ADAM19: variants seen among roughly 807,000 people sequenced by gnomAD.
ADAM19 encodes ADAM metallopeptidase domain 19, also known as disintegrin and metalloproteinase domain-containing protein 19.
A neutral mutation model predicts 114.7 loss-of-function variants in ADAM19; 65 were observed. The ratio of observed to expected loss-of-function variants is 0.57; its 90% confidence interval spans 0.46 to 0.70. The LOEUF (loss-of-function observed/expected upper bound fraction) is 0.70, where lower values mean the gene tolerates loss of function less well. ADAM19 is among the 30% of genes least tolerant of loss of function. The pLI is 0.00. For missense variants in ADAM19, 1,063 were observed against 1,204.7 expected (o/e 0.88, Z 1.74); for synonymous variants, 466 against 460.5 (o/e 1.01, Z -0.15).
At position 157,489,171 on chromosome 5, in the gene ADAM19, A is replaced by C. The variant is rs1373851265; in HGVS notation, c.2256T>G (p.Val752=). The change falls in exon 20 of 23, where the codon GTT becomes GTG. Residue 752 remains valine (V), a synonymous_variant. Transcript: ENST00000257527. ...CATGACCAGTCCCGCTGTTCTGAGA[A>C]ACCCTGAAGGGACAACTAGAAACAA... ...LRQQFSCPFR[V]SQNSGTGHAN... 1.9e-6 allele frequency: 3 copies of C among 1,613,912 alleles called. No homozygotes were observed. The South Asian group carries it at 3.3e-5, about 18-fold the overall frequency.
chr5:157,498,677 CAT>C (rs1055915049), intron 13 of ADAM19, among the ~76,000 whole-genome samples: 2 of 103,902 alleles, frequency 1.9e-5, no homozygotes, highest in Admixed American at 1.0e-4. Flanking sequence ...TATAATTACA[CAT>C]GTGTGTATGT....
At position 157,563,044 on chromosome 5, in the gene ADAM19, C is replaced by T. The variant is rs141085886; in HGVS notation, c.251+1329G>A. ...GCCGTGAGCAACAAAGGCAGGCCCCCGAGAGACACGGTCAAGAACAAACCC... is the reference window on the plus strand; with the variant it reads ...GCCGTGAGCAACAAAGGCAGGCCCCTGAGAGACACGGTCAAGAACAAACCC... On this transcript the variant is annotated intron_variant, in intron 3 of 22. Coordinates refer to ENST00000257527, the MANE Select transcript of ADAM19 (RefSeq NM_033274.5). 2.4e-3 allele frequency among the ~76,000 whole-genome samples: 372 copies of T among 152,176 alleles called. 3 individuals are homozygous for T. The highest frequency in any genetic ancestry group is 8.5e-3 in the African/African-American group (354 of 41,488).
rs10067096 is a variant in ADAM19, at chr5:157,490,332, A to C, written c.2218T>G (p.Ser740Ala). Reference sequence around the variant, plus strand: ...TACCTGAACTGTTGCCTCAGCTTGGAAGGGAGAGCTGAGGGCTTGAGTTGG... The same window carrying C: ...TACCTGAACTGTTGCCTCAGCTTGGCAGGGAGAGCTGAGGGCTTGAGTTGG... ...LGQLKPSALP[S>A]KLRQQFSCPF... The change falls in exon 19 of 23, where the codon TCC (serine) becomes GCC (alanine). Residue 740 changes from serine to alanine, a missense_variant. Around this residue, in one of 3 missense-constraint regions of ADAM19, gnomAD observed 424 missense variants for 445.5 expected, o/e 0.95. Coordinates refer to ENST00000257527, the MANE Select transcript of ADAM19 (RefSeq NM_033274.5). 0.18 allele frequency: 298,533 copies of C among 1,613,730 alleles called. 29,452 individuals carry two copies. The highest frequency in any genetic ancestry group is 0.21 in the Middle Eastern group (1,260 of 6,060).
At chr5:157,548,059 C>T (rs1757096549) in intron 3 of ADAM19, among the ~76,000 whole-genome samples, 1 of 152,146 alleles carries the variant, frequency 6.6e-6, no homozygotes, top group Non-Finnish European at 1.5e-5. Flanking sequence ...TCATTCTTGC[C>T]TTTGGGCCTT....
At chr5:157,490,923 A>G (rs556608652) in intron 18 of ADAM19, among the ~76,000 whole-genome samples, 19 of 151,696 alleles carry the variant, frequency 1.3e-4, no homozygotes, top group African/African-American at 4.3e-4. Flanking sequence ...AAACGAAAAG[A>G]CTCAGACAGA....
At chr5:157,503,026 G>A (rs769422681) in intron 11 of ADAM19, 46 bp from the exon 12 acceptor site, 30 of 1,572,274 alleles carry the variant, frequency 1.9e-5, no homozygotes, top group Non-Finnish European at 1.8e-5. Context: ...TGAGCATCTA[G>A]CAGTCAGGCA....
intron 3 of ADAM19, among the ~76,000 whole-genome samples, chr5:157,547,643 T>C (rs374939639): frequency 2.6e-5 from 4 of 152,234 alleles, no homozygotes; most frequent in East Asian, 1.9e-4. Context: ...GGATTCTGTT[T>C]TGCCAATGCA....
intron 19 of ADAM19, among the ~76,000 whole-genome samples, chr5:157,489,478 C>T (rs147562604): frequency 1.3e-5 from 2 of 152,320 alleles, no homozygotes; most frequent in East Asian, 3.9e-4. Context: ...AAGGGTGTCA[C>T]GAGCCATCAA....
chr5:157,570,702 G>C, intron 2 of ADAM19, 193 bp downstream of exon 2: 1 of 528,682 alleles, frequency 1.9e-6, no homozygotes, highest in Non-Finnish European at 3.4e-6. Flanking sequence ...TAATAGCATT[G>C]GGAAGTGTTC....
chr5:157,531,740 C>T (rs1756630672), intron 4 of ADAM19, among the ~76,000 whole-genome samples: 1 of 151,458 alleles, frequency 6.6e-6, no homozygotes, highest in South Asian at 2.1e-4. Flanking sequence ...TGATTTGTGT[C>T]CTTCTAACAA....
chr5:157,508,147 T>G (rs1755804434), intron 9 of ADAM19, among the ~76,000 whole-genome samples: 2 of 152,260 alleles, frequency 1.3e-5, no homozygotes, highest in African/African-American at 4.8e-5. Context: ...TTCTACATGT[T>G]CCAAAGTTCA....
rs111475978 is a variant in ADAM19, at chr5:157,478,697, C to G, written c.*2252G>C. 1 of 985,822 alleles carries G rather than the reference C, an allele frequency of 1.0e-6. No homozygotes were observed. 61.1% of individuals were successfully genotyped at this position (985,822 alleles called of 1,614,324 possible). ...TGGTTGCCGAAAGTCTATCAAATTCCAAAACATTCCACCATCTTCCAGTTC... is the reference window on the plus strand; with the variant it reads ...TGGTTGCCGAAAGTCTATCAAATTCGAAAACATTCCACCATCTTCCAGTTC... On this transcript the variant is annotated 3_prime_UTR_variant, in exon 23 of 23. Transcript: ENST00000257527.
intron 19 of ADAM19, among the ~76,000 whole-genome samples, chr5:157,489,751 C>T (rs1332001268): frequency 6.6e-6 from 1 of 152,168 alleles, no homozygotes; most frequent in African/African-American, 2.4e-5. Flanking sequence ...TTTGGGAGGC[C>T]AAAGCGGGCA....
At chr5:157,486,350 C>T (rs1371095882) in intron 21 of ADAM19, among the ~76,000 whole-genome samples, 1 of 152,204 alleles carries the variant, frequency 6.6e-6, no homozygotes, top group African/African-American at 2.4e-5. Context: ...GAGCAGCTGC[C>T]TCCCACTGTT....
At chr5:157,515,247 T>C (rs887296619) in intron 7 of ADAM19, among the ~76,000 whole-genome samples, 14 of 152,250 alleles carry the variant, frequency 9.2e-5, no homozygotes, top group African/African-American at 3.4e-4. Flanking sequence ...TGTTTCTAAA[T>C]TGGTCTCTCG....
intron 3 of ADAM19, among the ~76,000 whole-genome samples, chr5:157,546,206 T>C (rs1213734235): frequency 6.6e-6 from 1 of 152,210 alleles, no homozygotes; most frequent in African/African-American, 2.4e-5. Flanking sequence ...GTTTCACAGC[T>C]CATCTTCCTT....
At chr5:157,522,569 T>C (rs1458373037) in intron 5 of ADAM19, among the ~76,000 whole-genome samples, 1 of 152,200 alleles carries the variant, frequency 6.6e-6, no homozygotes, top group Non-Finnish European at 1.5e-5. Context: ...GTGGATTTCC[T>C]GAGCTTAGGA....
rs533979755 is a variant in ADAM19 at position 157,524,294 on chromosome 5, G to A, written c.408-4263C>T. 1.4e-4 allele frequency among the ~76,000 whole-genome samples: 21 copies of A among 152,390 alleles called. No homozygotes were observed. In the East Asian group the frequency reaches 4.0e-3, roughly 29 times the overall value. ...CCAGAAGGCATGAGCTGGGGCCCAG[G>A]AGGCTGGGTGGCCAGCCTCACATGC... On this transcript the variant is annotated intron_variant, in intron 5 of 22. Coordinates refer to ENST00000257527, the MANE Select transcript of ADAM19 (RefSeq NM_033274.5).
Position 157,513,525 on chromosome 5 carries a change from C to T in ADAM19, c.667-20G>A. On this transcript the variant is annotated intron_variant, in intron 7 of 22. Coordinates refer to ENST00000257527, the MANE Select transcript of ADAM19 (RefSeq NM_033274.5). ...CTGAAACTAAATGGGACAAGCAGAA[C>T]CATGTGAGATCCCAGAACCTCTCAC... 1 of 1,610,414 alleles carries T rather than the reference C, an allele frequency of 6.2e-7. No homozygotes were observed. The highest frequency in any genetic ancestry group is 1.1e-5 in the South Asian group (1 of 91,012).
Sources: gnomAD v4.1 joint callset for allele counts (sites outside exome capture counted in the v4.1 genomes callset) on GRCh38, gnomAD v4.1.1 for gene constraint, gnomAD v4.1.1 regional missense constraint, MANE v1.5 for transcripts, NCBI Gene and HGNC (gene_info 2026-07-23, HGNC 2026-07-21) for gene names.